Variants in PLD5 observed in about 807,000 individuals in gnomAD.
The protein encoded by PLD5 is phospholipase D family member 5.
In PLD5, 36 loss-of-function variants were observed where a neutral mutation model predicts 61.1. The observed-to-expected ratio is 0.59, with a 90% CI of 0.45 to 0.78. PLD5 has a LOEUF of 0.78. PLD5 is among the 30% of genes least tolerant of loss of function. The pLI is 0.00. For synonymous variants in PLD5, 243 were observed against 242.8 expected (o/e 1.00, Z -0.01); for missense variants, 515 against 644.4 (o/e 0.80, Z 2.17).
chr1:242,409,448 G>T (rs1664422425), intron 1 of PLD5, among the ~76,000 whole-genome samples: 1 of 150,374 alleles, frequency 6.7e-6, no homozygotes, highest in South Asian at 2.1e-4. Context: ...TTGCCTTATT[G>T]GTGCAAGCAG....
intron 4 of PLD5, among the ~76,000 whole-genome samples, chr1:242,248,010 C>T (rs910336988): frequency 2.6e-5 from 4 of 152,288 alleles, no homozygotes; most frequent in Admixed American, 6.5e-5. Flanking sequence ...CACCGTGACT[C>T]GTAGCACCTC....
At chr1:242,292,026 C>T (rs936266841) in intron 2 of PLD5, among the ~76,000 whole-genome samples, 3 of 151,960 alleles carry the variant, frequency 2.0e-5, no homozygotes, top group Non-Finnish European at 2.9e-5. Context: ...GGAGAAGCAG[C>T]GTTCAGGAAG....
chr1:242,124,815 G>T, intron 5 of PLD5, 150 bp from the exon 6 acceptor site: 1 of 633,090 alleles, frequency 1.6e-6, no homozygotes, highest in Non-Finnish European at 2.6e-6. Context: ...GGTACATAGA[G>T]GTGATATGTT....
At chr1:242,491,871 T>C (rs1288763514) in intron 1 of PLD5, among the ~76,000 whole-genome samples, 1 of 152,236 alleles carries the variant, frequency 6.6e-6, no homozygotes, top group Non-Finnish European at 1.5e-5. Context: ...AACATTTGGC[T>C]CATTTATCCC....
At chr1:242,361,580 T>G (rs1019506684) in intron 1 of PLD5, among the ~76,000 whole-genome samples, 1 of 152,176 alleles carries the variant, frequency 6.6e-6, no homozygotes, top group African/African-American at 2.4e-5. Context: ...AAAACAAAAT[T>G]TAAAATGCTA....
intron 5 of PLD5, among the ~76,000 whole-genome samples, chr1:242,173,922 T>C (rs886857355): frequency 8.5e-5 from 13 of 152,222 alleles, no homozygotes; most frequent in African/African-American, 2.9e-4. Flanking sequence ...GACTTAAATG[T>C]TAGATCTAAA....
chr1:242,435,498 G>A (rs1665950468), intron 1 of PLD5, among the ~76,000 whole-genome samples: 2 of 152,178 alleles, frequency 1.3e-5, no homozygotes, highest in African/African-American at 2.4e-5. Flanking sequence ...GCTGTGATGT[G>A]CCTTATGGAG....
At chr1:242,442,498 A>G (rs1021966923) in intron 1 of PLD5, among the ~76,000 whole-genome samples, 2 of 152,216 alleles carry the variant, frequency 1.3e-5, no homozygotes, top group African/African-American at 4.8e-5. Flanking sequence ...GCTTAAAAAT[A>G]AGCAGATCTT....
chr1:242,425,218 A>C (rs1185762058), intron 1 of PLD5, among the ~76,000 whole-genome samples: 3 of 152,176 alleles, frequency 2.0e-5, no homozygotes, highest in Admixed American at 2.0e-4. Context: ...CCTTACATGA[A>C]CATCGTGGAG....
chr1:242,339,648 T>A (rs1226768327), intron 2 of PLD5, among the ~76,000 whole-genome samples: 2 of 152,194 alleles, frequency 1.3e-5, no homozygotes, highest in African/African-American at 4.8e-5. Flanking sequence ...TCTCATGGGG[T>A]TGGCCTTCAT....
rs146619296 is a variant in PLD5, at chr1:242,522,770, A to T, written c.189+1318T>A. Among the ~76,000 whole-genome samples the T allele has an allele frequency of 1.6e-3, 250 of 152,320 alleles. 2 individuals are homozygous for T. The highest frequency in any genetic ancestry group is 5.9e-3 in the African/African-American group (245 of 41,580). The stretch of plus-strand genomic sequence containing the variant: ...ATGTTTAATGGATACGTTGCCTTTC[A>T]AACAACTTGCCATCCTAGAAACCTT... On this transcript the variant is annotated intron_variant, in intron 1 of 9. Coordinates refer to ENST00000536534, the MANE Select transcript of PLD5 (RefSeq NM_001372062.1).
chr1:242,514,906 A>G (rs563429801), intron 1 of PLD5, among the ~76,000 whole-genome samples: 1 of 152,328 alleles, frequency 6.6e-6, no homozygotes, highest in East Asian at 1.9e-4. Flanking sequence ...CATGGGTTAG[A>G]GAGGACAGGA....
intron 1 of PLD5, among the ~76,000 whole-genome samples, chr1:242,483,495 A>G (rs2102965925): frequency 6.6e-6 from 1 of 152,358 alleles, no homozygotes; most frequent in African/African-American, 2.4e-5. Flanking sequence ...GATCAATTCA[A>G]CAAGAAGAGC....
chr1:242,089,537 C>CG lies in PLD5; in HGVS notation c.*316dup. On this transcript the variant is annotated 3_prime_UTR_variant, in exon 10 of 10. Transcript: ENST00000536534. ...CATGCTAAGCTTCCTAACAACTGACCGGGTAGGTCAGCAGAAAAAGTTCTA... is the reference window on the plus strand; with the variant it reads ...CATGCTAAGCTTCCTAACAACTGACCGGGGTAGGTCAGCAGAAAAAGTTCTA... 1 of 498,160 alleles carries CG rather than the reference C, an allele frequency of 2.0e-6. No individual in the cohort carries two copies. Among genetic ancestry groups the CG allele is most frequent in the Non-Finnish European group, 3.5e-6 (1 of 286,412 alleles). 30.9% of individuals were successfully genotyped at this position (498,160 alleles called of 1,614,324 possible). A position where few individuals can be genotyped will look rare whatever the true frequency, so the allele number is the denominator to read the frequency against.
intron 4 of PLD5, among the ~76,000 whole-genome samples, chr1:242,257,451 G>A (rs148545685): frequency 6.6e-6 from 1 of 152,152 alleles, no homozygotes; most frequent in South Asian, 2.1e-4. Flanking sequence ...TGGACCATCA[G>A]GAGAAAGAGG....
chr1:242,461,678 C>T (rs189072110), intron 1 of PLD5, among the ~76,000 whole-genome samples: 209 of 152,290 alleles, frequency 1.4e-3, no homozygotes, highest in Non-Finnish European at 2.0e-3. Flanking sequence ...CTGCTTCCCA[C>T]GGTGGCTGAA....
intron 1 of PLD5, among the ~76,000 whole-genome samples, chr1:242,453,853 C>T (rs1435073459): frequency 6.6e-6 from 1 of 152,154 alleles, no homozygotes. Flanking sequence ...AGTTTTAACC[C>T]CTAGTCCTAT....
intron 1 of PLD5, among the ~76,000 whole-genome samples, chr1:242,392,942 G>A (rs988908021): frequency 6.6e-6 from 1 of 152,028 alleles, no homozygotes; most frequent in Admixed American, 6.6e-5. Context: ...AGTGGCTCAC[G>A]CCTGTATTCT....
In PLD5 at chr1:242,306,717, G is replaced by C. The variant is rs1676372081; in HGVS notation, c.327-18187C>G. ...ATATTACCAAGGAATGCTACACTGA[G>C]AAAGAGAATAAGAATTTATTAAAAC... On this transcript the variant is annotated intron_variant, in intron 2 of 9. Coordinates refer to ENST00000536534, the MANE Select transcript of PLD5 (RefSeq NM_001372062.1). Among the ~76,000 whole-genome samples, 3 of 151,464 alleles carry C rather than the reference G, an allele frequency of 2.0e-5. No homozygotes were observed. In the South Asian group the frequency reaches 6.3e-4, roughly 32 times the overall value.
Sources: gnomAD v4.1 joint callset for allele counts (sites outside exome capture counted in the v4.1 genomes callset) on GRCh38, gnomAD v4.1.1 for gene constraint, MANE v1.5 for transcripts, NCBI Gene and HGNC (gene_info 2026-07-23, HGNC 2026-07-21) for gene names.